The following FRMPD3 variants were observed in gnomAD, a reference collection of about 807,000 sequenced individuals.
FRMPD3 encodes FERM and PDZ domain-containing protein 3.
Under a neutral mutation model 97.9 loss-of-function variants are expected in FRMPD3, and 42 were observed. The observed-to-expected ratio is 0.43, with a 90% CI of 0.34 to 0.55. The LOEUF is 0.55. FRMPD3 is among the 20% of genes least tolerant of loss of function. FRMPD3 has a pLI of 0.03. For missense variants in FRMPD3, 1,303 were observed against 1,457.7 expected, an observed-to-expected ratio of 0.89 and a Z score of 1.73; for synonymous variants, 577 against 581.1, an observed-to-expected ratio of 0.99 and a Z score of 0.10.
chrX:107,452,651 G>A (rs1396098103), intron 1 of FRMPD3, among the ~76,000 whole-genome samples: 1 of 111,699 alleles, frequency 9.0e-6, no homozygotes, highest in Non-Finnish European at 1.9e-5. Context: ...TTTGGATAGT[G>A]CAACAGAGCC....
intron 1 of FRMPD3, among the ~76,000 whole-genome samples, chrX:107,469,415 C>A (rs1238127466): frequency 7.1e-5 from 8 of 111,924 alleles, no homozygotes; most frequent in Non-Finnish European, 1.5e-4. Flanking sequence ...TGAGAAAGAC[C>A]TGCCCCCATG....
chrX:107,529,444 G>A (rs1259604655), intron 2 of FRMPD3, among the ~76,000 whole-genome samples: 2 of 110,858 alleles, frequency 1.8e-5, no homozygotes, highest in African/African-American at 3.3e-5. Context: ...AATTAGCTGG[G>A]CATGGTGGAG....
intron 13 of FRMPD3, among the ~76,000 whole-genome samples, chrX:107,585,036 G>T (rs1923581570): frequency 8.9e-6 from 1 of 112,011 alleles, no homozygotes; most frequent in Non-Finnish European, 1.9e-5. Flanking sequence ...ACTTTGATCA[G>T]TATGGCCGTT....
chrX:107,547,913 G>A (rs758787032), intron 5 of FRMPD3, among the ~76,000 whole-genome samples: 10 of 111,673 alleles, frequency 9.0e-5, no homozygotes, highest in Admixed American at 7.6e-4. Context: ...ATCCGGGGCC[G>A]CTGGGCCTGG....
At chrX:107,496,196 A>G (rs1234768615) in intron 1 of FRMPD3, among the ~76,000 whole-genome samples, 2 of 112,321 alleles carry the variant, frequency 1.8e-5, no homozygotes, top group Admixed American at 9.4e-5. Context: ...GAGACCACAG[A>G]CAATGCTTCC....
chrX:107,525,957 T>C (rs917385705), intron 1 of FRMPD3, among the ~76,000 whole-genome samples: 10 of 110,469 alleles, frequency 9.1e-5, no homozygotes, highest in African/African-American at 3.0e-4. Context: ...ATGCCTGTAG[T>C]CCCAGCTACT....
intron 1 of FRMPD3, among the ~76,000 whole-genome samples, chrX:107,458,348 G>A (rs1687024141): frequency 8.9e-6 from 1 of 112,362 alleles, no homozygotes; most frequent in South Asian, 3.7e-4. Flanking sequence ...AAACAATTAT[G>A]TGCCACATTT....
chrX:107,597,122 T>C (rs772681749), intron 13 of FRMPD3, among the ~76,000 whole-genome samples, 199 bp from the exon 14 acceptor site: 15 of 111,712 alleles, frequency 1.3e-4, no homozygotes, highest in South Asian at 1.1e-3. Context: ...GTTATTAGAC[T>C]CTATTCACTC....
chrX:107,505,058 ATT>A (rs1035844846), intron 1 of FRMPD3, among the ~76,000 whole-genome samples: 1 of 112,301 alleles, frequency 8.9e-6, no homozygotes, highest in Non-Finnish European at 1.9e-5. Flanking sequence ...GGAAGATGGA[ATT>A]TAGTGCAATC....
chrX:107,558,788 A>C (rs373481177), intron 8 of FRMPD3, among the ~76,000 whole-genome samples: 1 of 111,014 alleles, frequency 9.0e-6, no homozygotes, highest in South Asian at 3.8e-4. Flanking sequence ...GGTTCAAACA[A>C]TTCTCCTGCC....
chrX:107,526,541 C>T, intron 1 of FRMPD3, 41 bp from the exon 2 acceptor site: 1 of 1,152,147 alleles, frequency 8.7e-7, no homozygotes, highest in Non-Finnish European at 1.2e-6. Flanking sequence ...GGCTTAGTTC[C>T]CTGTGCATCT....
rs1377108961 is a variant in FRMPD3 at position 107,604,640 on chromosome X, T to A, written c.*1267T>A. 1.2e-5 allele frequency: 1 copy of A among 84,941 alleles called. No homozygotes were observed. The highest frequency in any genetic ancestry group is 4.7e-5 in the African/African-American group (1 of 21,111). 7.0% of individuals were successfully genotyped at this position (84,941 alleles called of 1,213,427 possible). On this transcript the variant is annotated 3_prime_UTR_variant, in exon 15 of 15. Transcript: ENST00000683843. ...GTGAAGACACGGAGTCCCTACCAAC[T>A]GTCCCACTGTAGGGAACAAAGAAAG...
Position 107,603,221 on chromosome X carries a change from C to T in FRMPD3, c.5182C>T (p.Gln1728Ter). Residue 1728 changes from glutamine (Q) to a stop codon, truncating the protein, a stop_gained, in exon 15 of 15, where the codon CAA (glutamine) becomes TAA (stop). Coordinates refer to ENST00000683843, the MANE Select transcript of FRMPD3 (RefSeq NM_001388459.1). LOFTEE classifies it high-confidence loss of function. Reference sequence around the variant, plus strand: ...GCAGCAACAACAACAGCAGCAGCAGCAACAACAACAGCAGCAGCAACAACA... The same window carrying T: ...GCAGCAACAACAACAGCAGCAGCAGTAACAACAACAGCAGCAGCAACAACA... ...QQQQQQQQQQ[Q>*]QQQQQQQQQQ... 8.5e-7 allele frequency: 1 copy of T among 1,169,638 alleles called. No individual in the cohort carries two copies. Among genetic ancestry groups the T allele is most frequent in the South Asian group, 1.9e-5 (1 of 52,966 alleles).
intron 1 of FRMPD3, among the ~76,000 whole-genome samples, chrX:107,469,876 A>G (rs956410456): frequency 8.9e-6 from 1 of 112,176 alleles, no homozygotes; most frequent in Non-Finnish European, 1.9e-5. Context: ...CTTAATTTGT[A>G]TATTTGGGTC....
Position 107,602,253 on chromosome X carries a change from G to A in FRMPD3, c.4214G>A (p.Arg1405Lys), listed in dbSNP as rs1439748132. Residue 1405 changes from arginine (R) to lysine (K), a missense_variant, in exon 15 of 15, where the codon AGG (arginine) becomes AAG (lysine). Around this residue, in one of 3 missense-constraint regions of FRMPD3, gnomAD observed 764 missense variants for 820.2 expected, o/e 0.93. Coordinates refer to ENST00000683843, the MANE Select transcript of FRMPD3 (RefSeq NM_001388459.1). ...ATCAGTGAGCTGGACCAGGGTGACA[G>A]GGCCTCGCTGACCTCGGATGTCTAC... is the stretch of plus-strand genomic sequence containing the variant. ...YSISELDQGDRASLTSDVYPH... is the reference protein window; with the variant it reads ...YSISELDQGDKASLTSDVYPH... The A allele has an allele frequency of 1.7e-6, 2 of 1,207,025 alleles. No individual in the cohort carries two copies. The highest frequency in any genetic ancestry group is 2.2e-6 in the Non-Finnish European group (2 of 893,722).
chrX:107,597,969 T>G lies in FRMPD3; in HGVS notation c.2090T>G (p.Leu697Arg), dbSNP rs753626770. Residue 697 changes from leucine (L) to arginine (R), a missense_variant, in exon 14 of 15, where the codon CTG becomes CGG. Leu to Arg is a moderately radical substitution (Grantham distance 102). Around this residue, in one of 3 missense-constraint regions of FRMPD3, gnomAD observed 535 missense variants for 618.6 expected, o/e 0.86. Transcript: ENST00000683843. ...AVQSQEQGRH[L>R]RGLLYDEIPV... Reference sequence around the variant, plus strand: ...CAGAGCCAGGAACAAGGACGCCACCTGCGTGGGCTTCTGTACGATGAGATT... The same window carrying G: ...CAGAGCCAGGAACAAGGACGCCACCGGCGTGGGCTTCTGTACGATGAGATT... 1 of 1,210,727 alleles carries G rather than the reference T, an allele frequency of 8.3e-7. No homozygotes were observed. Among genetic ancestry groups the G allele is most frequent in the Non-Finnish European group, 1.1e-6 (1 of 895,440 alleles).
At chrX:107,458,412 G>A (rs1028144542) in intron 1 of FRMPD3, among the ~76,000 whole-genome samples, 6 of 112,425 alleles carry the variant, frequency 5.3e-5, no homozygotes, top group Non-Finnish European at 1.1e-4. Flanking sequence ...GAGAATGAGA[G>A]TGTGGGCTGG....
Position 107,597,848 on chromosome X carries a change from G to T in FRMPD3, c.1969G>T (p.Asp657Tyr), listed in dbSNP as rs1393736891. The T allele has an allele frequency of 4.2e-6, 5 of 1,193,969 alleles. No homozygotes were observed. Among genetic ancestry groups the T allele is most frequent in the Non-Finnish European group, 5.6e-6 (5 of 887,933 alleles). Residue 657 changes from aspartate to tyrosine, a missense_variant, in exon 14 of 15, where the codon GAT (aspartate) becomes TAT (tyrosine). By Grantham distance (160) the Asp-to-Tyr change is radical (BLOSUM62 -3). Coordinates refer to ENST00000683843, the MANE Select transcript of FRMPD3 (RefSeq NM_001388459.1). ...GAGTGAGGAGGAGGAGGAGGAGGAAGATGAGACAACTTCTCTGTTGCCAGC... is the reference window on the plus strand; with the variant it reads ...GAGTGAGGAGGAGGAGGAGGAGGAATATGAGACAACTTCTCTGTTGCCAGC... ...PGSEEEEEEEDETTSLLPAIA... is the reference protein window; with the variant it reads ...PGSEEEEEEEYETTSLLPAIA...
At chrX:107,525,310 C>CCAT (rs1385618677) in intron 1 of FRMPD3, among the ~76,000 whole-genome samples, 1 of 111,766 alleles carries the variant, frequency 8.9e-6, no homozygotes, top group Non-Finnish European at 1.9e-5. Flanking sequence ...CCTTGACCAT[C>CCAT]CATTCCTCCT....
Sources: allele counts gnomAD v4.1 joint callset (sites outside exome capture counted in the v4.1 genomes callset), GRCh38; gene constraint gnomAD v4.1.1; regional missense constraint gnomAD v4.1.1; transcripts MANE v1.5; gene names NCBI Gene and HGNC (gene_info 2026-07-23, HGNC 2026-07-21).